SLC38A1: variants seen among roughly 807,000 people sequenced by gnomAD.
The protein encoded by SLC38A1 is sodium-coupled neutral amino acid symporter 1.
Under a neutral mutation model 60.3 loss-of-function variants are expected in SLC38A1, and 18 were observed. That is an observed-to-expected ratio of 0.30 (90% CI 0.21 to 0.44). The LOEUF is 0.44. SLC38A1 is among the 20% of genes least tolerant of loss of function. SLC38A1 has a pLI of 1.00. For synonymous variants in SLC38A1, 196 were observed against 212.1 expected, an observed-to-expected ratio of 0.92 and a Z score of 0.66; for missense variants, 448 against 587.2, an observed-to-expected ratio of 0.76 and a Z score of 2.45.
chr12:46,196,287 A>G, intron 16 of SLC38A1: 1 of 1,535,578 alleles, frequency 6.5e-7, no homozygotes, highest in Middle Eastern at 1.7e-4. Flanking sequence ...CTAAGGAAGG[A>G]GAGGAGCAAA....
chr12:46,241,035 C>T (rs1941427603), intron 2 of SLC38A1, among the ~76,000 whole-genome samples: 2 of 152,072 alleles, frequency 1.3e-5, no homozygotes, highest in African/African-American at 2.4e-5. Flanking sequence ...AAGCAGATGG[C>T]CACAGAGGCA....
intron 3 of SLC38A1, among the ~76,000 whole-genome samples, chr12:46,238,212 G>A (rs1008243373): frequency 2.7e-5 from 4 of 148,816 alleles, no homozygotes; most frequent in African/African-American, 1.0e-4. Context: ...ACTCAAAAAA[G>A]ATGAAAGAAG....
chr12:46,227,053 A>C (rs1940895734), intron 5 of SLC38A1, among the ~76,000 whole-genome samples: 1 of 152,150 alleles, frequency 6.6e-6, no homozygotes, highest in Admixed American at 6.5e-5. Context: ...GTTTCCAAAA[A>C]AAAAAAAAAT....
chr12:46,229,229 G>C lies in SLC38A1; in HGVS notation c.238C>G (p.Leu80Val), dbSNP rs750186657. 1 of 1,613,666 alleles carries C rather than the reference G, an allele frequency of 6.2e-7. No individual in the cohort carries two copies. Among genetic ancestry groups the C allele is most frequent in the Non-Finnish European group, 8.5e-7 (1 of 1,179,740 alleles). The change falls in exon 5 of 17, where the codon CTA (leucine) becomes GTA (valine). Residue 80 changes from leucine to valine, a missense_variant. This residue lies in a region of SLC38A1 where 346 missense variants were observed against 497.5 expected (regional missense o/e 0.70). Transcript: ENST00000398637. The stretch of plus-strand genomic sequence containing the variant: ...CCACTGCCCATAATGGCGTTGCTTA[G>C]GTTAAAAACAGACATGCCTAAGGAG... Reference protein sequence around the residue: ...TTSLGMSVFNLSNAIMGSGIL... With the variant: ...TTSLGMSVFNVSNAIMGSGIL...
intron 2 of SLC38A1, among the ~76,000 whole-genome samples, chr12:46,242,129 A>G (rs748589279): frequency 6.6e-6 from 1 of 152,238 alleles, no homozygotes; most frequent in African/African-American, 2.4e-5. Flanking sequence ...GAATGAAAAC[A>G]ACAGATGAAG....
At chr12:46,250,373 C>A (rs1941793283) in intron 1 of SLC38A1, among the ~76,000 whole-genome samples, 1 of 152,106 alleles carries the variant, frequency 6.6e-6, no homozygotes, top group African/African-American at 2.4e-5. Context: ...AAACCCACAG[C>A]CAATATCATA....
At chr12:46,189,447 A>T (rs1228066352) in intron 16 of SLC38A1, among the ~76,000 whole-genome samples, 1 of 152,176 alleles carries the variant, frequency 6.6e-6, no homozygotes, top group East Asian at 1.9e-4. Flanking sequence ...TTTGTTATTC[A>T]TTACCTACCA....
At chr12:46,223,478 A>ACACACACC (rs983310100) in intron 5 of SLC38A1, among the ~76,000 whole-genome samples, 1 of 150,974 alleles carries the variant, frequency 6.6e-6, no homozygotes, top group African/African-American at 2.5e-5. Context: ...ACACACACAC[A>ACACACACC]CCCCACTCAT....
intron 1 of SLC38A1, among the ~76,000 whole-genome samples, chr12:46,249,886 C>G (rs969424804): frequency 1.3e-5 from 2 of 152,178 alleles, no homozygotes; most frequent in African/African-American, 4.8e-5. Context: ...CAGACAGATT[C>G]ACAGACGAAC....
At chr12:46,215,815 T>C (rs1002367740) in intron 5 of SLC38A1, among the ~76,000 whole-genome samples, 2 of 152,144 alleles carry the variant, frequency 1.3e-5, no homozygotes, top group Non-Finnish European at 2.9e-5. Context: ...TTTACTATCC[T>C]CAATTAAACA....
Position 46,198,024 on chromosome 12 carries a change from T to G in SLC38A1, c.1159A>C (p.Lys387Gln). The change falls in exon 15 of 17, where the codon AAG becomes CAG. Residue 387 changes from lysine to glutamine, a missense_variant. By Grantham distance (53) the Lys-to-Gln change is moderately conservative. Transcript: ENST00000398637. ...ACGGTATGACGACATAAATTAAACT[T>G]TGTTTTCTTAGCCAGTTCAAATAAA... ...SSLFELAKKT[K>Q]FNLCRHTVVT... 6.2e-7 allele frequency: 1 copy of G among 1,614,010 alleles called. No homozygotes were observed. Among genetic ancestry groups the G allele is most frequent in the Non-Finnish European group, 8.5e-7 (1 of 1,179,970 alleles).
chr12:46,229,231 T>C lies in SLC38A1; in HGVS notation c.236A>G (p.Asn79Ser). 1 of 1,613,540 alleles carries C rather than the reference T, an allele frequency of 6.2e-7. No individual in the cohort carries two copies. The highest frequency in any genetic ancestry group is 1.1e-5 in the South Asian group (1 of 90,950). The change falls in exon 5 of 17, where the codon AAC (asparagine) becomes AGC (serine). Residue 79 changes from asparagine (N) to serine (S), a missense_variant. By Grantham distance (46) the Asn-to-Ser change is conservative. This residue lies in a region of SLC38A1 where 346 missense variants were observed against 497.5 expected (regional missense o/e 0.70). Coordinates refer to ENST00000398637, the MANE Select transcript of SLC38A1 (RefSeq NM_030674.4). ...GTTSLGMSVFNLSNAIMGSGI... is the reference protein window; with the variant it reads ...GTTSLGMSVFSLSNAIMGSGI... ...ACTGCCCATAATGGCGTTGCTTAGG[T>C]TAAAAACAGACATGCCTAAGGAGGT...
At chr12:46,220,832 G>T (rs1242712180) in intron 5 of SLC38A1, among the ~76,000 whole-genome samples, 1 of 152,164 alleles carries the variant, frequency 6.6e-6, no homozygotes, top group Admixed American at 6.6e-5. Context: ...TGATGCTGGT[G>T]CAATTGGTTA....
intron 12 of SLC38A1, 27 bp from the exon 13 acceptor site, chr12:46,201,225 A>G: frequency 3.2e-6 from 5 of 1,557,324 alleles, no homozygotes; most frequent in Non-Finnish European, 4.4e-6. Context: ...GTTAAAAATT[A>G]AAAATCATAT....
chr12:46,200,987 T>C (rs917901964), intron 13 of SLC38A1, 111 bp downstream of exon 13: 3 of 767,194 alleles, frequency 3.9e-6, no homozygotes, highest in Admixed American at 5.6e-5. Context: ...GAAAAACCAA[T>C]GGATAGCTTT....
intron 9 of SLC38A1, among the ~76,000 whole-genome samples, chr12:46,205,118 C>T (rs1008056631): frequency 3.3e-5 from 5 of 152,088 alleles, no homozygotes; most frequent in African/African-American, 1.2e-4. Flanking sequence ...AGTAGCTCCC[C>T]TTAGAATGCC....
At chr12:46,223,293 G>A (rs1044019982) in intron 5 of SLC38A1, among the ~76,000 whole-genome samples, 5 of 152,146 alleles carry the variant, frequency 3.3e-5, no homozygotes, top group African/African-American at 1.2e-4. Context: ...TGTTGGTGGG[G>A]ATTAAGATAG....
At chr12:46,247,217 C>T (rs762611320) in intron 1 of SLC38A1, among the ~76,000 whole-genome samples, 7 of 152,098 alleles carry the variant, frequency 4.6e-5, no homozygotes, top group Non-Finnish European at 8.8e-5. Context: ...TTCAGAAGGT[C>T]GGTAATAACA....
chr12:46,197,858 G>T (rs1939454710), intron 15 of SLC38A1, 41 bp from the exon 16 acceptor site: 1 of 1,603,612 alleles, frequency 6.2e-7, no homozygotes, highest in Non-Finnish European at 8.5e-7. Flanking sequence ...CATTGCTATT[G>T]TGAAAATTTC....
Sources: gnomAD v4.1 joint callset for allele counts (sites outside exome capture counted in the v4.1 genomes callset) on GRCh38, gnomAD v4.1.1 for gene constraint, gnomAD v4.1.1 regional missense constraint, MANE v1.5 for transcripts, NCBI Gene and HGNC (gene_info 2026-07-23, HGNC 2026-07-21) for gene names.